BCAT1: variants seen among roughly 807,000 people sequenced by gnomAD.
BCAT1 encodes the protein branched-chain-amino-acid aminotransferase, cytosolic.
A neutral mutation model predicts 52.4 loss-of-function variants in BCAT1; 48 were observed. The ratio of observed to expected loss-of-function variants is 0.92; its 90% CI spans 0.73 to 1.16. BCAT1 has a LOEUF of 1.16. Ranked by LOEUF, BCAT1 falls within the 50% of genes most tolerant of loss-of-function variation. The probability of loss-of-function intolerance (pLI) is 0.00; values close to 1 mark genes in which losing one functional copy is unlikely to be tolerated. For synonymous variants in BCAT1, 167 were observed against 161.3 expected, an observed-to-expected ratio of 1.04 and a Z score of -0.27; for missense variants, 451 against 457.1, an observed-to-expected ratio of 0.99 and a Z score of 0.12.
At chr12:24,926,968 A>T (rs956851444) in intron 1 of BCAT1, among the ~76,000 whole-genome samples, 1 of 152,108 alleles carries the variant, frequency 6.6e-6, no homozygotes, top group Non-Finnish European at 1.5e-5. Flanking sequence ...AAAAAAAAAA[A>T]CTGCAGACAA....
intron 5 of BCAT1, among the ~76,000 whole-genome samples, chr12:24,851,837 C>T (rs760883940): frequency 2.6e-5 from 4 of 152,172 alleles, no homozygotes; most frequent in Non-Finnish European, 5.9e-5. Flanking sequence ...ACCATCTTAT[C>T]TCTGCACTTT....
At chr12:24,887,181 C>T (rs568273555) in intron 3 of BCAT1, among the ~76,000 whole-genome samples, 2 of 146,554 alleles carry the variant, frequency 1.4e-5, no homozygotes, top group South Asian at 4.4e-4. Context: ...AGGCCTAACT[C>T]CAAAGGACAG....
chr12:24,831,600 G>C (rs968932633), intron 9 of BCAT1, among the ~76,000 whole-genome samples: 4 of 152,192 alleles, frequency 2.6e-5, no homozygotes, highest in Non-Finnish European at 5.9e-5. Flanking sequence ...AGTGAGCCGA[G>C]ATTGTGCCCC....
At chr12:24,848,219 T>C (rs2139457752) in intron 6 of BCAT1, among the ~76,000 whole-genome samples, 1 of 152,352 alleles carries the variant, frequency 6.6e-6, no homozygotes, top group East Asian at 1.9e-4. Context: ...GATTTTATTA[T>C]TTTAGAGTAC....
chr12:24,817,710 T>C lies in BCAT1; in HGVS notation c.*298A>G, dbSNP rs893889613. The C allele has an allele frequency of 9.7e-5, 32 of 330,056 alleles. No individual in the cohort carries two copies. The highest frequency in any genetic ancestry group is 6.2e-4 in the African/African-American group (30 of 48,390). 20.4% of individuals were successfully genotyped at this position (330,056 alleles called of 1,614,324 possible). ...AATAAACTACTATTTAGTATCTGAGTGAAGTACAAAAGGAGGCACTAAAAT... is the reference window on the plus strand; with the variant it reads ...AATAAACTACTATTTAGTATCTGAGCGAAGTACAAAAGGAGGCACTAAAAT... On this transcript the variant is annotated 3_prime_UTR_variant, in exon 11 of 11. Coordinates refer to ENST00000261192, the MANE Select transcript of BCAT1 (RefSeq NM_005504.7).
chr12:24,851,711 A>C (rs576424617), intron 5 of BCAT1, among the ~76,000 whole-genome samples: 1 of 152,360 alleles, frequency 6.6e-6, no homozygotes, highest in African/African-American at 2.4e-5. Flanking sequence ...CCATCCTACC[A>C]GTAAAGGATA....
At chr12:24,906,716 G>T (rs1943232088) in intron 1 of BCAT1, among the ~76,000 whole-genome samples, 2 of 152,158 alleles carry the variant, frequency 1.3e-5, no homozygotes, top group African/African-American at 2.4e-5. Flanking sequence ...TGGACTGTAA[G>T]TTGCTTACTC....
intron 3 of BCAT1, 72 bp from the exon 4 acceptor site, chr12:24,881,483 C>T: frequency 3.2e-6 from 3 of 944,446 alleles, no homozygotes; most frequent in Non-Finnish European, 3.4e-6. Context: ...GACTGACTTT[C>T]CTATGGGCGT....
intron 2 of BCAT1, among the ~76,000 whole-genome samples, chr12:24,897,920 A>C (rs944779602): frequency 2.0e-5 from 3 of 151,966 alleles, no homozygotes; most frequent in African/African-American, 7.3e-5. Context: ...ACTTTTCTCT[A>C]CTTGAAAAAA....
At position 24,843,144 on chromosome 12, in the gene BCAT1, G is replaced by C. The variant is rs576052821; in HGVS notation, c.675-920C>G. Among the ~76,000 whole-genome samples the C allele has an allele frequency of 1.1e-4, 17 of 152,094 alleles. No individual in the cohort carries two copies. The East Asian group carries it at 2.1e-3, about 19-fold the overall frequency. On this transcript the variant is annotated intron_variant, in intron 6 of 10. Coordinates refer to ENST00000261192, the MANE Select transcript of BCAT1 (RefSeq NM_005504.7). The stretch of plus-strand genomic sequence containing the variant: ...ACCATGAAATCCCCAGAAATACACA[G>C]AAACAAACAATGAAAAACAACTAAA...
chr12:24,911,894 T>C (rs1297858891), intron 1 of BCAT1, among the ~76,000 whole-genome samples: 12 of 152,208 alleles, frequency 7.9e-5, no homozygotes, highest in Non-Finnish European at 1.5e-5. Context: ...CAATTAAGCT[T>C]ATAATTTTGC....
At chr12:24,882,386 A>G (rs1311909210) in intron 3 of BCAT1, among the ~76,000 whole-genome samples, 1 of 152,198 alleles carries the variant, frequency 6.6e-6, no homozygotes, top group Non-Finnish European at 1.5e-5. Flanking sequence ...AAAAACTTAC[A>G]TGGGAAAAAA....
intron 5 of BCAT1, among the ~76,000 whole-genome samples, chr12:24,864,938 T>A (rs1271203753): frequency 6.6e-6 from 1 of 152,196 alleles, no homozygotes; most frequent in Non-Finnish European, 1.5e-5. Context: ...GTTTCCAGGT[T>A]CACTTGGTTT....
intron 5 of BCAT1, among the ~76,000 whole-genome samples, chr12:24,875,371 A>C (rs1942303905): frequency 1.3e-5 from 2 of 152,266 alleles, no homozygotes; most frequent in African/African-American, 2.4e-5. Context: ...TTAGAAAATG[A>C]TAGTTGATAC....
chr12:24,826,378 A>G (rs1198386204), intron 10 of BCAT1, among the ~76,000 whole-genome samples: 2 of 152,152 alleles, frequency 1.3e-5, no homozygotes, highest in East Asian at 1.9e-4. Flanking sequence ...TCCCAGCACC[A>G]TTTATTGAAA....
At chr12:24,843,114 G>T (rs1657903733) in intron 6 of BCAT1, among the ~76,000 whole-genome samples, 1 of 152,224 alleles carries the variant, frequency 6.6e-6, no homozygotes, top group East Asian at 1.9e-4. Context: ...TAGTCCTCCT[G>T]TTGCACCATG....
chr12:24,836,861 GA>G (rs1331996770), intron 7 of BCAT1, among the ~76,000 whole-genome samples: 18 of 112,482 alleles, frequency 1.6e-4, no homozygotes, highest in Non-Finnish European at 3.4e-4. Context: ...AGAAAGGAAG[GA>G]AGGAAGGAAA....
chr12:24,834,647 G>A, intron 8 of BCAT1: 1 of 989,068 alleles, frequency 1.0e-6, no homozygotes, highest in Non-Finnish European at 1.2e-6. Context: ...AACTCATGCT[G>A]TAAGTAGATT....
chr12:24,819,552 T>C (rs139929226), intron 10 of BCAT1, among the ~76,000 whole-genome samples: 1 of 152,288 alleles, frequency 6.6e-6, no homozygotes, highest in Non-Finnish European at 1.5e-5. Flanking sequence ...GAGCAATGAA[T>C]TTTAATCCAA....
Sources: gnomAD v4.1 joint callset for allele counts (sites outside exome capture counted in the v4.1 genomes callset) on GRCh38, gnomAD v4.1.1 for gene constraint, MANE v1.5 for transcripts, NCBI Gene and HGNC (gene_info 2026-07-23, HGNC 2026-07-21) for gene names.